The following MAML3 variants were observed in gnomAD, a reference collection of about 807,000 sequenced individuals.
MAML3 encodes the protein mastermind like transcriptional coactivator 3, also known as mastermind-like protein 3.
In MAML3, 27 loss-of-function variants were observed where a neutral mutation model predicts 101.9. That is an observed-to-expected ratio of 0.27 (90% CI 0.20 to 0.37). The LOEUF (loss-of-function observed/expected upper bound fraction) is 0.37. Among genes scored for constraint, MAML3 ranks in the 10% least tolerant of loss-of-function variants. The pLI is 1.00. For synonymous variants in MAML3, 501 were observed against 555.9 expected, an observed-to-expected ratio of 0.90 and a Z score of 1.39; for missense variants, 1,316 against 1,444.9, an observed-to-expected ratio of 0.91 and a Z score of 1.45.
At chr4:140,012,288 T>C (rs1423748808) in intron 1 of MAML3, among the ~76,000 whole-genome samples, 1 of 152,256 alleles carries the variant, frequency 6.6e-6, no homozygotes, top group African/African-American at 2.4e-5. Flanking sequence ...TAACCTGTTA[T>C]ATTTTATGTG....
intron 1 of MAML3, among the ~76,000 whole-genome samples, chr4:140,102,080 T>C (rs1442202436): frequency 6.6e-6 from 1 of 152,174 alleles, no homozygotes; most frequent in Non-Finnish European, 1.5e-5. Flanking sequence ...TTGTGTTGTT[T>C]TGTTTTAATG....
Position 139,890,846 on chromosome 4 carries a change from G to A in MAML3, c.590C>T (p.Ser197Phe). Residue 197 changes from serine (S) to phenylalanine (F), a missense_variant, in exon 2 of 5, where the codon TCT (serine) becomes TTT (phenylalanine). Coordinates refer to ENST00000509479, the MANE Select transcript of MAML3 (RefSeq NM_018717.5). This position sits in a 1 kb window ranked among gnomAD's most constrained non-coding sequence, Gnocchi z 4.1. ...ATTGTTGATGGCTTCCATCCCCGCA[G>A]AAATGTCCTTTCGAATTCGTTTGCT... is the stretch of plus-strand genomic sequence containing the variant. The part of the protein sequence containing the change: ...PTSKRIRKDI[S>F]AGMEAINNLP... 6.2e-7 allele frequency: 1 copy of A among 1,613,972 alleles called. No individual in the cohort carries two copies.
intron 2 of MAML3, among the ~76,000 whole-genome samples, chr4:139,737,481 G>A (rs1728992407): frequency 6.6e-6 from 1 of 151,980 alleles, no homozygotes; most frequent in South Asian, 2.1e-4. Context: ...GGTGGGGAGA[G>A]GAATGGGCAT....
At chr4:139,741,099 T>C (rs547748923) in intron 2 of MAML3, among the ~76,000 whole-genome samples, 28 of 152,096 alleles carry the variant, frequency 1.8e-4, no homozygotes, top group South Asian at 1.3e-3. Context: ...TTCCTATGAG[T>C]AGAAGCCTGC....
chr4:140,019,136 C>T (rs1726693956), intron 1 of MAML3, among the ~76,000 whole-genome samples: 1 of 151,566 alleles, frequency 6.6e-6, no homozygotes, highest in South Asian at 2.1e-4. Flanking sequence ...GAACTACTTT[C>T]AGTTCCCCTA....
intron 3 of MAML3, among the ~76,000 whole-genome samples, chr4:139,726,735 T>C (rs1441246779): frequency 6.6e-6 from 1 of 152,246 alleles, no homozygotes; most frequent in East Asian, 1.9e-4. Context: ...ATTCCACATA[T>C]ACCAGCAGAC....
At chr4:139,885,887 C>G (rs1205646759) in intron 2 of MAML3, among the ~76,000 whole-genome samples, 3 of 121,782 alleles carry the variant, frequency 2.5e-5, no homozygotes, top group Non-Finnish European at 4.9e-5. Context: ...GAGCAGAGAT[C>G]GCGCCACTGC....
At chr4:139,858,418 C>T (rs1731706100) in intron 2 of MAML3, among the ~76,000 whole-genome samples, 1 of 150,490 alleles carries the variant, frequency 6.6e-6, no homozygotes, top group South Asian at 2.1e-4. Context: ...TTGACCAGAA[C>T]AGAACTATGG....
At chr4:139,880,296 T>C (rs1192928654) in intron 2 of MAML3, among the ~76,000 whole-genome samples, 1 of 152,148 alleles carries the variant, frequency 6.6e-6, no homozygotes, top group Non-Finnish European at 1.5e-5. Context: ...TGACAGAATA[T>C]CAGTTTCCAA....
At chr4:139,832,090 G>GCGCCCCC (rs141974241) in intron 2 of MAML3, among the ~76,000 whole-genome samples, 9 of 90,644 alleles carry the variant, frequency 9.9e-5, no homozygotes, top group African/African-American at 2.4e-4. Flanking sequence ...ATCATGCCCA[G>GCGCCCCC]CCCCTTTTTT....
At chr4:140,022,169 C>T (rs1726743268) in intron 1 of MAML3, among the ~76,000 whole-genome samples, 1 of 152,154 alleles carries the variant, frequency 6.6e-6, no homozygotes, top group South Asian at 2.1e-4. Flanking sequence ...GGGGTAAATA[C>T]ATTCTATGAT....
intron 1 of MAML3, among the ~76,000 whole-genome samples, chr4:140,011,635 C>T (rs1479272654): frequency 3.9e-5 from 6 of 152,036 alleles, no homozygotes; most frequent in Non-Finnish European, 8.8e-5. Context: ...TGAGCCACCG[C>T]GCCCGGCCGT....
At chr4:139,739,161 G>T (rs1359782436) in intron 2 of MAML3, among the ~76,000 whole-genome samples, 1 of 152,144 alleles carries the variant, frequency 6.6e-6, no homozygotes, top group Admixed American at 6.5e-5. Flanking sequence ...ACCAACATCA[G>T]GTATAACTGG....
intron 2 of MAML3, among the ~76,000 whole-genome samples, chr4:139,874,032 T>G (rs1354471370): frequency 6.6e-6 from 1 of 152,256 alleles, no homozygotes; most frequent in Admixed American, 6.5e-5. Flanking sequence ...TTTTGGAATA[T>G]GTGTTTACCT....
intron 1 of MAML3, among the ~76,000 whole-genome samples, chr4:140,006,457 G>C (rs1488749597): frequency 6.6e-6 from 1 of 151,976 alleles, no homozygotes; most frequent in Non-Finnish European, 1.5e-5. Flanking sequence ...ATGGTGGCGG[G>C]TGCCTGTAAT....
chr4:140,106,244 C>T (rs1229696630), intron 1 of MAML3, among the ~76,000 whole-genome samples: 30 of 151,970 alleles, frequency 2.0e-4, no homozygotes, highest in Admixed American at 2.0e-3. Context: ...ACATTCCCTG[C>T]TTGGAAGCAA....
intron 1 of MAML3, among the ~76,000 whole-genome samples, chr4:139,929,124 C>T (rs1299944712): frequency 6.6e-6 from 1 of 152,120 alleles, no homozygotes; most frequent in African/African-American, 2.4e-5. Flanking sequence ...CAATAGCCCC[C>T]CAAATGCAGA....
intron 1 of MAML3, among the ~76,000 whole-genome samples, chr4:140,016,248 T>A (rs1382022868): frequency 6.6e-6 from 1 of 152,166 alleles, no homozygotes; most frequent in East Asian, 1.9e-4. Flanking sequence ...AGGACTTATG[T>A]GCTGAAAACT....
At chr4:139,896,174 T>C (rs1271308623) in intron 1 of MAML3, among the ~76,000 whole-genome samples, 2 of 152,046 alleles carry the variant, frequency 1.3e-5, no homozygotes, top group African/African-American at 4.8e-5. Flanking sequence ...GAAGGCTGAT[T>C]CACAAGCTCC....
Sources: allele counts gnomAD v4.1 joint callset (sites outside exome capture counted in the v4.1 genomes callset), GRCh38; gene constraint gnomAD v4.1.1; non-coding constraint Gnocchi (gnomAD v3.1); transcripts MANE v1.5; gene names NCBI Gene and HGNC (gene_info 2026-07-23, HGNC 2026-07-21).